The following AUTS2 variants were observed in gnomAD, a reference collection of about 807,000 sequenced individuals.
The protein encoded by AUTS2 is autism susceptibility gene 2 protein.
Under a neutral mutation model 112.4 loss-of-function variants are expected in AUTS2, and 17 were observed. The observed-to-expected ratio is 0.15, with a 90% CI of 0.10 to 0.23. The LOEUF is 0.23. Ranked by LOEUF, AUTS2 falls within the 10% of genes least tolerant of loss-of-function variation. The pLI, the probability that AUTS2 is intolerant of heterozygous loss-of-function variation, is 1.00. For missense variants in AUTS2, 1,510 were observed against 1,701.6 expected (o/e 0.89, Z 1.98); for synonymous variants, 751 against 702.7 (o/e 1.07, Z -1.09).
chr7:69,604,662 T>C (rs1374388369), intron 1 of AUTS2, among the ~76,000 whole-genome samples: 1 of 152,128 alleles, frequency 6.6e-6, no homozygotes, highest in Admixed American at 6.5e-5. Context: ...AGGAACAAGA[T>C]GCTACATGGT....
At chr7:69,829,996 T>A (rs1460292856) in intron 1 of AUTS2, among the ~76,000 whole-genome samples, 1 of 152,112 alleles carries the variant, frequency 6.6e-6, no homozygotes, top group East Asian at 1.9e-4. Flanking sequence ...CAGATGCCCA[T>A]CAGTGATAGA....
intron 2 of AUTS2, among the ~76,000 whole-genome samples, chr7:69,988,362 G>A (rs1486729215): frequency 6.6e-6 from 1 of 152,166 alleles, no homozygotes; most frequent in Admixed American, 6.5e-5. Flanking sequence ...GCAGGAGCTG[G>A]AATTTAATGT....
chr7:70,511,179 T>C (rs1176821125), intron 5 of AUTS2, among the ~76,000 whole-genome samples: 1 of 152,038 alleles, frequency 6.6e-6, no homozygotes, highest in Non-Finnish European at 1.5e-5. Context: ...GCAAAAGCCT[T>C]TTGGAAGTTC....
chr7:70,678,191 A>G (rs1289660616), intron 5 of AUTS2, among the ~76,000 whole-genome samples: 2 of 152,178 alleles, frequency 1.3e-5, no homozygotes, highest in Non-Finnish European at 2.9e-5. Context: ...GGCAGATAAC[A>G]TGTTTTGTTC....
At chr7:70,158,675 C>T (rs1807913118) in intron 4 of AUTS2, among the ~76,000 whole-genome samples, 1 of 151,976 alleles carries the variant, frequency 6.6e-6, no homozygotes, top group African/African-American at 2.4e-5. Context: ...GTCTGGAGCT[C>T]AGAGAAGCAG....
chr7:70,556,360 C>A (rs945171681), intron 5 of AUTS2, among the ~76,000 whole-genome samples: 11 of 152,152 alleles, frequency 7.2e-5, no homozygotes, highest in African/African-American at 2.7e-4. Context: ...GGGACAAATA[C>A]CCAAACTATA....
At chr7:69,813,114 TC>T (rs1790615932) in intron 1 of AUTS2, among the ~76,000 whole-genome samples, 3 of 152,146 alleles carry the variant, frequency 2.0e-5, no homozygotes, top group South Asian at 4.1e-4. Context: ...TCTCCTACTA[TC>T]CCCTTAGATT....
chr7:70,034,681 T>C (rs1483761604), intron 2 of AUTS2, among the ~76,000 whole-genome samples: 1 of 152,194 alleles, frequency 6.6e-6, no homozygotes, highest in Non-Finnish European at 1.5e-5. Flanking sequence ...TTGGTGGTTG[T>C]TACAAATGAC....
chr7:70,024,073 C>T (rs1800405529), intron 2 of AUTS2, among the ~76,000 whole-genome samples: 1 of 152,178 alleles, frequency 6.6e-6, no homozygotes, highest in Admixed American at 6.5e-5. Flanking sequence ...GTAATGGTTA[C>T]AAGGGTGTCA....
intron 1 of AUTS2, among the ~76,000 whole-genome samples, chr7:69,874,571 G>A (rs1307015208): frequency 1.3e-5 from 2 of 152,176 alleles, no homozygotes; most frequent in Non-Finnish European, 2.9e-5. Flanking sequence ...TAAGGTAGTA[G>A]CAGTGTAGTC....
chr7:70,183,007 C>T (rs887859613), intron 4 of AUTS2, among the ~76,000 whole-genome samples: 10 of 152,054 alleles, frequency 6.6e-5, no homozygotes, highest in Non-Finnish European at 8.8e-5. Context: ...CCACTGTGTC[C>T]GCGTTTCCAT....
chr7:70,771,691 G>A (rs147626676), intron 11 of AUTS2, 47 bp downstream of exon 11: 311 of 1,558,052 alleles, frequency 2.0e-4, no homozygotes, highest in South Asian at 7.6e-4. Flanking sequence ...TCTAAGTGGC[G>A]TCCCGGGCCA....
chr7:69,946,557 TACACAC>T (rs57891742), intron 2 of AUTS2, among the ~76,000 whole-genome samples: 9,947 of 143,876 alleles, frequency 0.069, 452 homozygotes, highest in Admixed American at 0.099. Flanking sequence ...TGTGATGTGA[TACACAC>T]ACACACACAC....
At chr7:70,786,665 C>T (rs10499822) in intron 17 of AUTS2, among the ~76,000 whole-genome samples, 79,660 of 151,982 alleles carry the variant, frequency 0.52, 21,278 homozygotes, top group Non-Finnish European at 0.58. Context: ...ACCATATATT[C>T]CGGGTACAGG....
intron 1 of AUTS2, among the ~76,000 whole-genome samples, chr7:69,880,164 G>A (rs571894236): frequency 5.7e-4 from 87 of 152,274 alleles, no homozygotes; most frequent in Non-Finnish European, 1.1e-3. Context: ...TGGGCAGGAG[G>A]AAGAAAGTGG....
Position 70,175,866 on chromosome 7 carries a change from C to T in AUTS2, c.660+41295C>T, listed in dbSNP as rs545476362. 2.6e-5 allele frequency among the ~76,000 whole-genome samples: 4 copies of T among 152,206 alleles called. No individual in the cohort carries two copies. In the South Asian group the frequency reaches 8.3e-4, roughly 32 times the overall value. On this transcript the variant is annotated intron_variant, in intron 4 of 18. Transcript: ENST00000342771. ...ATAATGCTATCAATTATGTTAATAA[C>T]TTAACATAATTTTTGTGTTCACTGG...
chr7:70,038,068 A>G (rs1801087738), intron 2 of AUTS2, among the ~76,000 whole-genome samples: 1 of 150,554 alleles, frequency 6.6e-6, no homozygotes, highest in Admixed American at 6.7e-5. Flanking sequence ...AGAGAAGGAT[A>G]TGTCCTGACC....
chr7:70,509,365 A>G (rs900040149), intron 5 of AUTS2, among the ~76,000 whole-genome samples: 4 of 152,330 alleles, frequency 2.6e-5, no homozygotes, highest in Admixed American at 6.5e-5. Context: ...ATTATAAGGT[A>G]TTCTGACTTG....
intron 1 of AUTS2, among the ~76,000 whole-genome samples, chr7:69,775,568 G>A (rs1046285604): frequency 2.6e-5 from 4 of 152,142 alleles, no homozygotes; most frequent in African/African-American, 9.7e-5. Context: ...TGGTCTGGCT[G>A]GTCCACCCAG....
Sources: gnomAD v4.1 joint callset for allele counts (sites outside exome capture counted in the v4.1 genomes callset) on GRCh38, gnomAD v4.1.1 for gene constraint, MANE v1.5 for transcripts, NCBI Gene and HGNC (gene_info 2026-07-23, HGNC 2026-07-21) for gene names.